PRTG: variants seen among roughly 807,000 people sequenced by gnomAD.
PRTG encodes the protein immunoglobulin superfamily, DCC subclass, member 5.
Under a neutral mutation model 122.5 loss-of-function variants are expected in PRTG, and 67 were observed. The observed-to-expected ratio is 0.55, with a 90% CI of 0.45 to 0.67. PRTG has a LOEUF of 0.67. Among genes scored for constraint, PRTG ranks in the 30% least tolerant of loss-of-function variants. The pLI is 0.00. For missense variants in PRTG, 1,435 were observed against 1,415.4 expected (o/e 1.01, Z -0.22); for synonymous variants, 554 against 501.1 (o/e 1.11, Z -1.41).
intron 2 of PRTG, among the ~76,000 whole-genome samples, chr15:55,701,246 T>C (rs1158348466): frequency 1.3e-5 from 2 of 152,098 alleles, no homozygotes; most frequent in African/African-American, 4.8e-5. Context: ...TATAAGACTC[T>C]GCATTCTTGG....
intron 2 of PRTG, among the ~76,000 whole-genome samples, chr15:55,726,425 G>C (rs1220410504): frequency 1.3e-5 from 2 of 152,128 alleles, no homozygotes; most frequent in East Asian, 3.9e-4. Flanking sequence ...AATGGAAAAA[G>C]GTATTCCATG....
chr15:55,713,879 T>A (rs2030494388), intron 2 of PRTG, among the ~76,000 whole-genome samples: 1 of 152,172 alleles, frequency 6.6e-6, no homozygotes, highest in African/African-American at 2.4e-5. Context: ...ACACTGTCTT[T>A]CTGAAATTCA....
Position 55,680,612 on chromosome 15 carries a change from G to A in PRTG, c.693C>T (p.Ser231=). The change falls in exon 5 of 20, where the codon TCC becomes TCT. Residue 231 remains serine (S), a synonymous_variant. Transcript: ENST00000389286. ...CTGCTATAATTGTTGGTGTGTGGAA[G>A]GATTTTGACTCCTTAGCTTTGGGGA... ...LTVIPAKESK[S]FHTPTIIAGP... 2 of 1,544,736 alleles carry A rather than the reference G, an allele frequency of 1.3e-6. No homozygotes were observed. Among genetic ancestry groups the A allele is most frequent in the East Asian group, 2.3e-5 (1 of 43,300 alleles).
chr15:55,693,290 C>A (rs1276235156), intron 2 of PRTG, among the ~76,000 whole-genome samples: 1 of 152,120 alleles, frequency 6.6e-6, no homozygotes, highest in African/African-American at 2.4e-5. Context: ...AACCCTGTCT[C>A]TACTAAAAAC....
intron 2 of PRTG, among the ~76,000 whole-genome samples, chr15:55,688,261 A>G (rs1029573316): frequency 3.3e-5 from 5 of 152,112 alleles, no homozygotes; most frequent in African/African-American, 1.2e-4. Flanking sequence ...GGTCTATGAT[A>G]CTACATGCTC....
At chr15:55,711,700 T>A (rs750847001) in intron 2 of PRTG, among the ~76,000 whole-genome samples, 1 of 151,266 alleles carries the variant, frequency 6.6e-6, no homozygotes, top group Non-Finnish European at 1.5e-5. Flanking sequence ...GCCTATCAGC[T>A]GATTGTATAC....
intron 2 of PRTG, chr15:55,738,482 A>G (rs1567122036): frequency 2.9e-6 from 2 of 701,366 alleles, no homozygotes; most frequent in Non-Finnish European, 5.2e-6. Context: ...GGCCACCTCC[A>G]CTATGTACTC....
At chr15:55,725,925 C>T (rs531534542) in intron 2 of PRTG, among the ~76,000 whole-genome samples, 86 of 151,948 alleles carry the variant, frequency 5.7e-4, no homozygotes, top group African/African-American at 2.1e-3. Context: ...GGACCCACCA[C>T]CACACTCAGC....
chr15:55,697,784 C>T (rs1190945781), intron 2 of PRTG, among the ~76,000 whole-genome samples: 2 of 152,164 alleles, frequency 1.3e-5, no homozygotes, highest in Non-Finnish European at 2.9e-5. Context: ...GCCACCGCGC[C>T]CAGCCTCAAA....
At chr15:55,722,364 T>C (rs1338872108) in intron 2 of PRTG, among the ~76,000 whole-genome samples, 11 of 152,300 alleles carry the variant, frequency 7.2e-5, no homozygotes, top group Admixed American at 6.5e-4. Flanking sequence ...ATTCTCAAGA[T>C]CTAGCAAGAG....
intron 2 of PRTG, among the ~76,000 whole-genome samples, chr15:55,696,925 T>C (rs2059635166): frequency 6.6e-6 from 1 of 152,210 alleles, no homozygotes; most frequent in Non-Finnish European, 1.5e-5. Context: ...GTAACAAAGT[T>C]GGGAACCAGG....
chr15:55,734,749 A>T (rs1266446113), intron 2 of PRTG, among the ~76,000 whole-genome samples: 1 of 266 alleles, frequency 3.8e-3, no homozygotes, highest in Non-Finnish European at 0.12. Flanking sequence ...ACCAGAGGTT[A>T]AAAAAAAACA....
At chr15:55,623,999 G>A (rs1216412603) in intron 18 of PRTG, among the ~76,000 whole-genome samples, 5 of 152,138 alleles carry the variant, frequency 3.3e-5, no homozygotes. Flanking sequence ...ATACAGGTCA[G>A]TCCAAATTAT....
At chr15:55,741,767 T>C (rs2031616471) in intron 1 of PRTG, among the ~76,000 whole-genome samples, 1 of 152,204 alleles carries the variant, frequency 6.6e-6, no homozygotes, top group Admixed American at 6.5e-5. Flanking sequence ...GGCTCCCTGC[T>C]TCCCGTAATG....
At chr15:55,713,951 C>T (rs564579992) in intron 2 of PRTG, among the ~76,000 whole-genome samples, 1 of 152,048 alleles carries the variant, frequency 6.6e-6, no homozygotes, top group South Asian at 2.1e-4. Flanking sequence ...ATGGGTTAGG[C>T]TTTCTGTAAA....
chr15:55,652,227 C>T (rs2059356731), intron 11 of PRTG, among the ~76,000 whole-genome samples: 1 of 151,980 alleles, frequency 6.6e-6, no homozygotes, highest in Admixed American at 6.6e-5. Flanking sequence ...AAGTAGGTAG[C>T]AATCAGAAAA....
At chr15:55,664,409 C>T (rs1345956889) in intron 11 of PRTG, among the ~76,000 whole-genome samples, 1 of 152,128 alleles carries the variant, frequency 6.6e-6, no homozygotes, top group Non-Finnish European at 1.5e-5. Flanking sequence ...TCCCAAAGTG[C>T]TGGGATTACA....
intron 11 of PRTG, among the ~76,000 whole-genome samples, chr15:55,649,791 CAATAAATAAATAAATAAATA>C (rs59626091): frequency 6.1e-5 from 9 of 147,998 alleles, no homozygotes; most frequent in East Asian, 2.0e-4. Flanking sequence ...GACTCAGTCT[CAATAAATAAATAAATAAATA>C]AATAAATAAA....
At chr15:55,706,159 C>T (rs570105001) in intron 2 of PRTG, among the ~76,000 whole-genome samples, 1 of 151,884 alleles carries the variant, frequency 6.6e-6, no homozygotes, top group East Asian at 1.9e-4. Context: ...TGCACCCGAC[C>T]TCTACTTACT....
Sources: allele counts gnomAD v4.1 joint callset (sites outside exome capture counted in the v4.1 genomes callset), GRCh38; gene constraint gnomAD v4.1.1; transcripts MANE v1.5; gene names NCBI Gene and HGNC (gene_info 2026-07-23, HGNC 2026-07-21).